The following PLAAT4 variants were observed in gnomAD, a reference collection of about 807,000 sequenced individuals.
The protein encoded by PLAAT4 is HRAS-like suppressor 4.
A neutral mutation model predicts 14.1 loss-of-function variants in PLAAT4; 12 were observed. That is an observed-to-expected ratio of 0.85 (90% CI 0.54 to 1.37). The LOEUF (loss-of-function observed/expected upper bound fraction) is 1.37. Ranked by LOEUF, PLAAT4 falls within the 40% of genes most tolerant of loss-of-function variation. The probability of loss-of-function intolerance (pLI) is 0.00; values close to 1 mark genes in which losing one functional copy is unlikely to be tolerated. For synonymous variants in PLAAT4, 77 were observed against 79.8 expected (o/e 0.96, Z 0.19); for missense variants, 163 against 211.7 (o/e 0.77, Z 1.43).
intron 2 of PLAAT4, among the ~76,000 whole-genome samples, chr11:63,543,321 T>A (rs1045667495): frequency 1.3e-5 from 2 of 152,198 alleles, no homozygotes; most frequent in African/African-American, 4.8e-5. Context: ...TAGATTCTCA[T>A]AGGAGTGCAA....
At position 63,544,501 on chromosome 11, in the gene PLAAT4, C is replaced by A. The variant is rs1312752291; in HGVS notation, c.119-120C>A. The A allele has an allele frequency of 3.9e-6, 5 of 1,288,004 alleles. No individual in the cohort carries two copies. In the East Asian group the frequency reaches 7.0e-5, roughly 18 times the overall value. The allele number at this position is 1,288,004 out of a possible 1,614,324, so 79.8% of individuals were successfully genotyped here. Reference sequence around the variant, plus strand: ...TCAAAATAAAAAAAAAAAGCAAAATCTGTGAATCCTTCAATCACATTTGTG... The same window carrying A: ...TCAAAATAAAAAAAAAAAGCAAAATATGTGAATCCTTCAATCACATTTGTG... On this transcript the variant is annotated intron_variant, in intron 2 of 3. Transcript: ENST00000255688.
At chr11:63,542,580 A>C (rs1049018444) in intron 2 of PLAAT4, among the ~76,000 whole-genome samples, 1 of 152,092 alleles carries the variant, frequency 6.6e-6, no homozygotes, top group African/African-American at 2.4e-5. Flanking sequence ...CCTGCTTCTC[A>C]AATATCTGGA....
chr11:63,536,934 A>G, intron 1 of PLAAT4, 57 bp downstream of exon 1: 1 of 1,591,920 alleles, frequency 6.3e-7, no homozygotes, highest in African/African-American at 1.4e-5. Flanking sequence ...AGCTCCCCCT[A>G]GGAAAGGCCT....
chr11:63,546,056 A>T (rs2017362547), intron 3 of PLAAT4, 93 bp from the exon 4 acceptor site: 3 of 978,574 alleles, frequency 3.1e-6, no homozygotes, highest in Non-Finnish European at 4.9e-6. Flanking sequence ...GGCAGGAGAG[A>T]GGGGAGAGGG....
At chr11:63,536,928 C>G (rs572631974) in intron 1 of PLAAT4, 51 bp downstream of exon 1, 2 of 1,596,710 alleles carry the variant, frequency 1.3e-6, no homozygotes, top group African/African-American at 1.4e-5. Context: ...TTGGGCAGCT[C>G]CCCCTAGGAA....
At chr11:63,542,966 A>C (rs2017333444) in intron 2 of PLAAT4, among the ~76,000 whole-genome samples, 1 of 152,210 alleles carries the variant, frequency 6.6e-6, no homozygotes, top group African/African-American at 2.4e-5. Flanking sequence ...TAAATTAATA[A>C]CCCTTATAAA....
At position 63,546,161 on chromosome 11, in the gene PLAAT4, A is replaced by G; in HGVS notation, c.400A>G (p.Lys134Glu). The change falls in exon 4 of 4, where the codon AAG becomes GAG. Residue 134 changes from lysine (K) to glutamate (E), a missense_variant. By Grantham distance (56) the Lys-to-Glu change is moderately conservative. Coordinates refer to ENST00000255688, the MANE Select transcript of PLAAT4 (RefSeq NM_004585.5). The part of the protein sequence containing the change: ...KSRCKQVEKA[K>E]VEVGVATALG... ...GCTTGCTTTGCAGGTGGAAAAGGCC[A>G]AGGTTGAAGTCGGTGTGGCCACGGC... The G allele has an allele frequency of 6.2e-7, 1 of 1,613,824 alleles. No homozygotes were observed.
chr11:63,538,203 G>T (rs888893167), intron 1 of PLAAT4, among the ~76,000 whole-genome samples: 1 of 152,120 alleles, frequency 6.6e-6, no homozygotes, highest in African/African-American at 2.4e-5. Flanking sequence ...AGGGAGAGGA[G>T]GGTGAGGAAG....
At chr11:63,537,875 G>A (rs72556568) in intron 1 of PLAAT4, among the ~76,000 whole-genome samples, 15 of 152,278 alleles carry the variant, frequency 9.9e-5, no homozygotes, top group African/African-American at 3.1e-4. Flanking sequence ...ACAGGATCCT[G>A]CCTGCCTGGA....
intron 1 of PLAAT4, among the ~76,000 whole-genome samples, chr11:63,537,382 C>T (rs1156913143): frequency 6.6e-6 from 1 of 152,114 alleles, no homozygotes; most frequent in Non-Finnish European, 1.5e-5. Flanking sequence ...CTCCTATCAG[C>T]CCAGATGTAC....
chr11:63,540,320 C>T (rs2017311499), intron 2 of PLAAT4, among the ~76,000 whole-genome samples: 4 of 152,246 alleles, frequency 2.6e-5, no homozygotes, highest in Admixed American at 2.6e-4. Context: ...TGTTTTCACA[C>T]AACAAGGTGT....
At position 63,539,633 on chromosome 11, in the gene PLAAT4, T is replaced by G; in HGVS notation, c.118+9T>G. On this transcript the variant is annotated intron_variant, in intron 2 of 3. Coordinates refer to ENST00000255688, the MANE Select transcript of PLAAT4 (RefSeq NM_004585.5). ...CCATCTGGCTCCTCCAAGTAAGGAC[T>G]GATGAATATATAATTTTCAAAATAT... 2 of 1,575,262 alleles carry G rather than the reference T, an allele frequency of 1.3e-6. No homozygotes were observed. Among genetic ancestry groups the G allele is most frequent in the East Asian group, 2.2e-5 (1 of 44,572 alleles).
At position 63,538,538 on chromosome 11, in the gene PLAAT4, A is replaced by C. The variant is rs1053982119; in HGVS notation, c.10-978A>C. 3.5e-5 allele frequency: 8 copies of C among 230,306 alleles called. No homozygotes were observed. In the Middle Eastern group the frequency reaches 1.8e-3, roughly 52 times the overall value. The allele number at this position is 230,306 out of a possible 1,614,324, so 14.3% of individuals were successfully genotyped here. A position where few individuals can be genotyped will look rare whatever the true frequency, so the allele number is the denominator to read the frequency against. ...GCAAAGGAGAGCAGACCCCAGGTCT[A>C]TGATGGGACATCCTGGGATGAGGGA... On this transcript the variant is annotated intron_variant, in intron 1 of 3. Coordinates refer to ENST00000255688, the MANE Select transcript of PLAAT4 (RefSeq NM_004585.5).
intron 1 of PLAAT4, among the ~76,000 whole-genome samples, chr11:63,539,057 G>A (rs2017298820): frequency 6.6e-6 from 1 of 152,108 alleles, no homozygotes; most frequent in Admixed American, 6.5e-5. Context: ...TGGCTCTTGG[G>A]GCCATGGAGA....
intron 2 of PLAAT4, among the ~76,000 whole-genome samples, chr11:63,542,083 A>T (rs534469621): frequency 6.6e-6 from 1 of 152,320 alleles, no homozygotes; most frequent in South Asian, 2.1e-4. Context: ...CCTTTTAAGG[A>T]CCAAAATTAT....
intron 3 of PLAAT4, 114 bp from the exon 4 acceptor site, chr11:63,546,035 G>T: frequency 1.2e-6 from 1 of 838,754 alleles, no homozygotes; most frequent in South Asian, 1.5e-5. Flanking sequence ...GAGATGCCAG[G>T]CCTTAGGGGA....
At chr11:63,544,131 G>C (rs1351119314) in intron 2 of PLAAT4, among the ~76,000 whole-genome samples, 1 of 152,110 alleles carries the variant, frequency 6.6e-6, no homozygotes, top group African/African-American at 2.4e-5. Context: ...AGCTGAACAG[G>C]TAATAAATAT....
rs201404999 is a variant in PLAAT4, at chr11:63,539,596, T to C, written c.90T>C (p.Asp30=). 3 of 1,612,880 alleles carry C rather than the reference T, an allele frequency of 1.9e-6. No individual in the cohort carries two copies. The highest frequency in any genetic ancestry group is 2.7e-5 in the African/African-American group (2 of 75,014). The change falls in exon 2 of 4, where the codon GAT becomes GAC. Residue 30 remains aspartate (D), a synonymous_variant. Coordinates refer to ENST00000255688, the MANE Select transcript of PLAAT4 (RefSeq NM_004585.5). ...GYEHWALYIG[D]GYVIHLAPPS... ...AGCACTGGGCCCTGTATATAGGAGA[T>C]GGCTACGTGATCCATCTGGCTCCTC... is the stretch of plus-strand genomic sequence containing the variant.
Position 63,539,434 on chromosome 11 carries a change from G to T in PLAAT4, c.10-82G>T, listed in dbSNP as rs548935288. 35 of 1,145,988 alleles carry T rather than the reference G, an allele frequency of 3.1e-5. No homozygotes were observed. The South Asian group carries it at 3.7e-4, about 12-fold the overall frequency. 71.0% of individuals were successfully genotyped at this position (1,145,988 alleles called of 1,614,324 possible). On this transcript the variant is annotated intron_variant, in intron 1 of 3. Coordinates refer to ENST00000255688, the MANE Select transcript of PLAAT4 (RefSeq NM_004585.5). ...GATGAACATCAGCAAGGCGTCTCCA[G>T]GATGAGCTGCAGCTCCCCCAGCCAG...
Sources: allele counts gnomAD v4.1 joint callset (sites outside exome capture counted in the v4.1 genomes callset), GRCh38; gene constraint gnomAD v4.1.1; transcripts MANE v1.5; gene names NCBI Gene and HGNC (gene_info 2026-07-23, HGNC 2026-07-21).